MDFIC: variants seen among roughly 807,000 people sequenced by gnomAD.
MDFIC encodes the protein myoD family inhibitor domain-containing protein.
Under a neutral mutation model 23.2 loss-of-function variants are expected in MDFIC, and 17 were observed. The ratio of observed to expected loss-of-function variants is 0.73; its 90% confidence interval spans 0.50 to 1.10. The LOEUF (loss-of-function observed/expected upper bound fraction) is 1.10. Ranked by LOEUF, MDFIC falls within the 50% of genes least tolerant of loss-of-function variation. MDFIC has a pLI of 0.00. For synonymous variants in MDFIC, 120 were observed against 115.2 expected (o/e 1.04, Z -0.27); for missense variants, 356 against 316.6 (o/e 1.12, Z -0.95).
chr7:115,019,181 A>G lies in MDFIC; in HGVS notation c.*3246A>G, dbSNP rs897781746. 1.3e-5 allele frequency: 2 copies of G among 152,110 alleles called. No individual in the cohort carries two copies. The highest frequency in any genetic ancestry group is 2.9e-5 in the Non-Finnish European group (2 of 67,936). The allele number at this position is 152,110 out of a possible 1,614,324, so 9.4% of individuals were successfully genotyped here. A position where few individuals can be genotyped will look rare whatever the true frequency, so the allele number is the denominator to read the frequency against. On this transcript the variant is annotated 3_prime_UTR_variant, in exon 5 of 5. Coordinates refer to ENST00000393486, the MANE Select transcript of MDFIC (RefSeq NM_001166345.3). ...TCTTAGATTTAATGAATTTCACTCGAAAATAAATGATCAGAAGAATTTTCA... is the reference window on the plus strand; with the variant it reads ...TCTTAGATTTAATGAATTTCACTCGGAAATAAATGATCAGAAGAATTTTCA...
intron 3 of MDFIC, among the ~76,000 whole-genome samples, chr7:114,965,947 C>T (rs928243736): frequency 4.0e-4 from 61 of 152,024 alleles, no homozygotes; most frequent in African/African-American, 1.2e-3. Flanking sequence ...AATAACACAC[C>T]GCCATGTAGT....
At chr7:114,933,363 AT>A (rs1792365563) in intron 2 of MDFIC, among the ~76,000 whole-genome samples, 1 of 150,530 alleles carries the variant, frequency 6.6e-6, no homozygotes, top group African/African-American at 2.4e-5. Flanking sequence ...GGTTCAAGCG[AT>A]TCTCCTGCTT....
intron 2 of MDFIC, among the ~76,000 whole-genome samples, chr7:114,934,538 G>T (rs187415673): frequency 1.4e-4 from 21 of 152,186 alleles, no homozygotes; most frequent in African/African-American, 5.1e-4. Context: ...AACCTATAAA[G>T]TGATTGAGTC....
At chr7:114,984,845 G>T (rs1259745249) in intron 4 of MDFIC, among the ~76,000 whole-genome samples, 3 of 152,088 alleles carry the variant, frequency 2.0e-5, no homozygotes, top group Admixed American at 2.0e-4. Flanking sequence ...CTAACAAAAT[G>T]CTTTTAAAGA....
chr7:114,948,358 A>G lies in MDFIC; in HGVS notation c.217+5961A>G, dbSNP rs187753727. On this transcript the variant is annotated intron_variant, in intron 3 of 4. Coordinates refer to ENST00000393486, the MANE Select transcript of MDFIC (RefSeq NM_001166345.3). ...TCGTTTACTGATAAGGCTACTTTGA[A>G]GAGTTTTCAGTGAAGTTCTTATGGT... 2.8e-4 allele frequency among the ~76,000 whole-genome samples: 42 copies of G among 152,326 alleles called. 1 individual carries two copies. The East Asian group carries it at 4.6e-3, about 17-fold the overall frequency.
chr7:114,978,979 G>C (rs754928943), intron 3 of MDFIC, among the ~76,000 whole-genome samples: 1 of 152,010 alleles, frequency 6.6e-6, no homozygotes, highest in Non-Finnish European at 1.5e-5. Context: ...ATATAGAAAA[G>C]ATTTTCTTCT....
At chr7:114,958,549 G>A (rs1033607789) in intron 3 of MDFIC, among the ~76,000 whole-genome samples, 1 of 152,138 alleles carries the variant, frequency 6.6e-6, no homozygotes, top group South Asian at 2.1e-4. Context: ...TCAGGAGTTC[G>A]AGACCAGCCT....
chr7:114,987,424 A>G (rs1377969942), intron 4 of MDFIC, among the ~76,000 whole-genome samples: 2 of 152,224 alleles, frequency 1.3e-5, no homozygotes, highest in Non-Finnish European at 2.9e-5. Context: ...CAGAGCTTCC[A>G]GAAACAAATT....
rs1056332614 is a variant in MDFIC at position 115,017,464 on chromosome 7, A to G, written c.*1529A>G. On this transcript the variant is annotated 3_prime_UTR_variant, in exon 5 of 5. Transcript: ENST00000393486. ...TAGTTGTTTAGTTTGTTTCTTAAGC[A>G]GTGCTATTTTTTGTAAACACAGATA... The G allele has an allele frequency of 2.0e-5, 3 of 152,488 alleles. No individual in the cohort carries two copies. The highest frequency in any genetic ancestry group is 7.2e-5 in the African/African-American group (3 of 41,454). 9.4% of individuals were successfully genotyped at this position (152,488 alleles called of 1,614,324 possible).
intron 4 of MDFIC, among the ~76,000 whole-genome samples, chr7:114,989,760 C>A (rs890621333): frequency 3.9e-5 from 6 of 152,144 alleles, no homozygotes; most frequent in African/African-American, 1.4e-4. Context: ...TGATTTGGTA[C>A]AAGGACACGT....
intron 4 of MDFIC, among the ~76,000 whole-genome samples, chr7:114,991,199 T>A (rs1033137036): frequency 3.3e-5 from 5 of 152,220 alleles, no homozygotes; most frequent in African/African-American, 1.2e-4. Flanking sequence ...TGGGGTTGTT[T>A]GTTTTTTTCT....
chr7:114,936,936 C>A (rs1792435122), intron 2 of MDFIC, among the ~76,000 whole-genome samples: 1 of 151,968 alleles, frequency 6.6e-6, no homozygotes. Context: ...ACTTATGTAA[C>A]AAACATATTA....
rs1461670554 is a variant in MDFIC, at chr7:114,931,453, G to T, written c.94+8326G>T. On this transcript the variant is annotated intron_variant, in intron 2 of 4. Coordinates refer to ENST00000393486, the MANE Select transcript of MDFIC (RefSeq NM_001166345.3). ...GCTAGCACATATATTTTACTATGGA[G>T]AGATTTGAAGGGGAAAACCCTGCCC... 2.6e-5 allele frequency among the ~76,000 whole-genome samples: 4 copies of T among 152,160 alleles called. No individual in the cohort carries two copies. In the East Asian group the frequency reaches 7.7e-4, roughly 29 times the overall value.
At chr7:115,001,599 A>G (rs1288024339) in intron 4 of MDFIC, among the ~76,000 whole-genome samples, 1 of 152,184 alleles carries the variant, frequency 6.6e-6, no homozygotes, top group Non-Finnish European at 1.5e-5. Context: ...TCATTACCTT[A>G]GGACATAAAA....
At chr7:114,983,389 G>T in intron 4 of MDFIC, among the ~76,000 whole-genome samples, 1 of 151,912 alleles carries the variant, frequency 6.6e-6, no homozygotes, top group East Asian at 1.9e-4. Context: ...CTCTAAGGGC[G>T]TCTTTTCTAA....
intron 4 of MDFIC, among the ~76,000 whole-genome samples, chr7:114,986,988 A>G (rs1793527093): frequency 6.6e-6 from 1 of 152,296 alleles, no homozygotes; most frequent in East Asian, 1.9e-4. Flanking sequence ...CTTGTTCTTT[A>G]TTACTCCATA....
chr7:114,930,530 A>G (rs756566859), intron 2 of MDFIC, among the ~76,000 whole-genome samples: 5 of 152,178 alleles, frequency 3.3e-5, no homozygotes, highest in East Asian at 1.9e-4. Context: ...TTACATGGCT[A>G]TGAGGGAAGC....
intron 3 of MDFIC, 130 bp from the exon 4 acceptor site, chr7:114,979,376 C>A: frequency 1.1e-6 from 1 of 900,552 alleles, no homozygotes; most frequent in South Asian, 2.5e-5. Context: ...TCTTTCTTTT[C>A]TTTGTTGCCT....
At chr7:114,931,711 G>C (rs1474344027) in intron 2 of MDFIC, among the ~76,000 whole-genome samples, 1 of 152,194 alleles carries the variant, frequency 6.6e-6, no homozygotes, top group Non-Finnish European at 1.5e-5. Context: ...AAAATTTAGA[G>C]GTTGAGAGAG....
Sources: gnomAD v4.1 joint callset for allele counts (sites outside exome capture counted in the v4.1 genomes callset) on GRCh38, gnomAD v4.1.1 for gene constraint, MANE v1.5 for transcripts, NCBI Gene and HGNC (gene_info 2026-07-23, HGNC 2026-07-21) for gene names.